Variants in LRP1B observed in about 807,000 individuals in gnomAD.
LRP1B encodes the protein LDL receptor related protein 1B.
Under a neutral mutation model 556.6 loss-of-function variants are expected in LRP1B, and 217 were observed. The ratio of observed to expected loss-of-function variants is 0.39; its 90% confidence interval spans 0.35 to 0.44. The LOEUF is 0.44. Ranked by LOEUF, LRP1B falls within the 20% of genes least tolerant of loss-of-function variation. LRP1B has a pLI of 1.00. For synonymous variants in LRP1B, 2,047 were observed against 1,865.8 expected (o/e 1.10, Z -2.50); for missense variants, 5,053 against 5,620.8 (o/e 0.90, Z 3.23).
intron 86 of LRP1B, among the ~76,000 whole-genome samples, chr2:140,268,022 G>T (rs142756188): frequency 4.7e-4 from 71 of 151,996 alleles, no homozygotes; most frequent in Non-Finnish European, 8.1e-4. Flanking sequence ...TGCACAGGGA[G>T]TCCTCCTGAG....
intron 11 of LRP1B, among the ~76,000 whole-genome samples, chr2:141,030,893 T>G (rs1698350658): frequency 6.6e-6 from 1 of 151,966 alleles, no homozygotes; most frequent in Non-Finnish European, 1.5e-5. Flanking sequence ...ACTCATTTTT[T>G]TGAGGGAGGC....
intron 37 of LRP1B, among the ~76,000 whole-genome samples, chr2:140,714,279 A>T (rs1185764696): frequency 6.6e-6 from 1 of 152,168 alleles, no homozygotes; most frequent in Non-Finnish European, 1.5e-5. Context: ...CACAGTGCCT[A>T]GCACTCAATA....
intron 11 of LRP1B, among the ~76,000 whole-genome samples, chr2:141,040,311 A>C (rs16845178): frequency 1.3e-5 from 2 of 152,036 alleles, no homozygotes; most frequent in African/African-American, 2.4e-5. Flanking sequence ...ACATTATCAC[A>C]CTTTAAATTT....
intron 50 of LRP1B, among the ~76,000 whole-genome samples, chr2:140,516,336 T>TA (rs1296117728): frequency 1.3e-5 from 2 of 151,956 alleles, no homozygotes; most frequent in Non-Finnish European, 2.9e-5. Flanking sequence ...ATAATTAACA[T>TA]AATATTTACA....
chr2:141,238,636 T>C (rs1558952878), intron 5 of LRP1B, among the ~76,000 whole-genome samples: 1 of 152,100 alleles, frequency 6.6e-6, no homozygotes, highest in Non-Finnish European at 1.5e-5. Flanking sequence ...AATATGAATA[T>C]TGTTTGGCAG....
chr2:140,704,713 G>A (rs1686766636), intron 37 of LRP1B, among the ~76,000 whole-genome samples: 2 of 152,024 alleles, frequency 1.3e-5, no homozygotes, highest in Admixed American at 1.3e-4. Context: ...CTGTGAAGGA[G>A]GCACTGTGAG....
intron 62 of LRP1B, among the ~76,000 whole-genome samples, chr2:140,450,981 G>A (rs143302156): frequency 2.0e-5 from 3 of 152,278 alleles, no homozygotes; most frequent in East Asian, 1.9e-4. Flanking sequence ...TCGCTCTGTC[G>A]CCCAGGCTGG....
In LRP1B at chr2:141,639,298, A is replaced by ATGTGTGTG. The variant is rs199723979; in HGVS notation, c.206-158766_206-158765insCACACACA. Among the ~76,000 whole-genome samples, 156 of 34,478 alleles carry ATGTGTGTG rather than the reference A, an allele frequency of 4.5e-3. 3 individuals carry two copies. The highest frequency in any genetic ancestry group is 0.015 in the African/African-American group (148 of 10,118). 22.6% of individuals were successfully genotyped at this position (34,478 alleles called of 152,430 possible). A position where few individuals can be genotyped will look rare whatever the true frequency, so the allele number is the denominator to read the frequency against. ...ATTGCTGGACCCAGGAGTACGCATC[A>ATGTGTGTG]TGTGTGTATATATATATATATATAT... On this transcript the variant is annotated intron_variant, in intron 2 of 90. Coordinates refer to ENST00000389484, the MANE Select transcript of LRP1B (RefSeq NM_018557.3).
chr2:140,499,418 G>A (rs573317980), intron 55 of LRP1B, among the ~76,000 whole-genome samples: 1 of 151,450 alleles, frequency 6.6e-6, no homozygotes. Flanking sequence ...GTATCACATA[G>A]AACAAACACA....
At chr2:140,332,071 A>T (rs1680845433) in intron 79 of LRP1B, among the ~76,000 whole-genome samples, 1 of 151,998 alleles carries the variant, frequency 6.6e-6, no homozygotes, top group African/African-American at 2.4e-5. Flanking sequence ...ACAGCTAATA[A>T]ATAATCCCTT....
chr2:141,459,048 G>A (rs934095927), intron 3 of LRP1B, among the ~76,000 whole-genome samples: 1 of 152,056 alleles, frequency 6.6e-6, no homozygotes, highest in African/African-American at 2.4e-5. Context: ...GATTCACCGT[G>A]TCAGTTTCTG....
At chr2:140,487,154 AC>A (rs1688504144) in intron 58 of LRP1B, among the ~76,000 whole-genome samples, 1 of 151,898 alleles carries the variant, frequency 6.6e-6, no homozygotes, top group African/African-American at 2.4e-5. Flanking sequence ...TCCAATCAGG[AC>A]GTTCATGATT....
At chr2:140,620,268 G>A (rs1290325235) in intron 41 of LRP1B, among the ~76,000 whole-genome samples, 1 of 152,102 alleles carries the variant, frequency 6.6e-6, no homozygotes, top group Non-Finnish European at 1.5e-5. Flanking sequence ...GACAGTTATC[G>A]AGTTGGTTAA....
intron 1 of LRP1B, among the ~76,000 whole-genome samples, chr2:142,124,344 A>T (rs1445139304): frequency 4.6e-5 from 7 of 151,118 alleles, no homozygotes; most frequent in African/African-American, 1.4e-4. Context: ...ATGCCATTGC[A>T]TTTTTAAAAA....
intron 3 of LRP1B, among the ~76,000 whole-genome samples, chr2:141,383,726 A>G (rs1356458552): frequency 6.6e-6 from 1 of 152,224 alleles, no homozygotes; most frequent in African/African-American, 2.4e-5. Flanking sequence ...AACCTATAGG[A>G]CATTATGGTA....
chr2:140,563,658 A>G (rs896916664), intron 43 of LRP1B, among the ~76,000 whole-genome samples: 1 of 151,594 alleles, frequency 6.6e-6, no homozygotes, highest in South Asian at 2.1e-4. Context: ...CATCATGCCA[A>G]CATTTTATAG....
chr2:141,109,745 C>T (rs1204688872), intron 7 of LRP1B, among the ~76,000 whole-genome samples: 1 of 151,676 alleles, frequency 6.6e-6, no homozygotes, highest in Non-Finnish European at 1.5e-5. Flanking sequence ...ATGGCCAAAG[C>T]AGGAAGCTAA....
chr2:140,370,036 A>C, intron 71 of LRP1B, among the ~76,000 whole-genome samples: 1 of 152,090 alleles, frequency 6.6e-6, no homozygotes, highest in Non-Finnish European at 1.5e-5. Context: ...TTTAAGCTTC[A>C]GCACACAATT....
chr2:141,717,589 T>A (rs1020665654), intron 2 of LRP1B, among the ~76,000 whole-genome samples: 2 of 152,304 alleles, frequency 1.3e-5, no homozygotes, highest in East Asian at 1.9e-4. Flanking sequence ...AATAAAGGAA[T>A]CTGCTGGTGC....
Sources: gnomAD v4.1 joint callset for allele counts (sites outside exome capture counted in the v4.1 genomes callset) on GRCh38, gnomAD v4.1.1 for gene constraint, MANE v1.5 for transcripts, NCBI Gene and HGNC (gene_info 2026-07-23, HGNC 2026-07-21) for gene names.